The following TMEM117 variants were observed in gnomAD, a reference collection of about 807,000 sequenced individuals.
TMEM117 encodes the protein transmembrane protein 117.
TMEM117 carries 27 observed loss-of-function variants against 52.4 expected under a neutral mutation model. The ratio of observed to expected loss-of-function variants is 0.51; its 90% CI spans 0.38 to 0.71. The LOEUF is 0.71. Ranked by LOEUF, TMEM117 falls within the 30% of genes least tolerant of loss-of-function variation. The probability of loss-of-function intolerance (pLI) is 0.00; values close to 1 mark genes in which losing one functional copy is unlikely to be tolerated. For missense variants in TMEM117, 556 were observed against 630.5 expected (o/e 0.88, Z 1.26); for synonymous variants, 215 against 206.3 (o/e 1.04, Z -0.36).
chr12:44,225,744 C>T (rs774877315), intron 5 of TMEM117, among the ~76,000 whole-genome samples: 33 of 152,256 alleles, frequency 2.2e-4, no homozygotes, highest in Middle Eastern at 3.4e-3. Flanking sequence ...AATCCGTCCT[C>T]GCTGTAGCAG....
chr12:44,188,894 T>C (rs1399595772), intron 4 of TMEM117, among the ~76,000 whole-genome samples: 1 of 152,166 alleles, frequency 6.6e-6, no homozygotes, highest in Non-Finnish European at 1.5e-5. Flanking sequence ...GTAGCCCCAG[T>C]CTAGAAAAGT....
chr12:44,344,134 T>C (rs1448153659), intron 6 of TMEM117, among the ~76,000 whole-genome samples: 1 of 152,122 alleles, frequency 6.6e-6, no homozygotes, highest in Non-Finnish European at 1.5e-5. Flanking sequence ...ACAACTACTA[T>C]GCCAGGGAAA....
the TMEM117 span, chr12:43,804,206 A>G: frequency 2.1e-6 from 1 of 467,916 alleles, no homozygotes; most frequent in East Asian, 6.0e-5. Flanking sequence ...CAGAGATGGA[A>G]GCACTGACAT....
rs1039468927 is a variant in TMEM117, at chr12:44,268,717, T to C, written c.609-30863T>C. On this transcript the variant is annotated intron_variant, in intron 5 of 7. Coordinates refer to ENST00000266534, the MANE Select transcript of TMEM117 (RefSeq NM_032256.3). ...TAGTAGGTGTATGCAAATGTATCTT[T>C]GTGGTTTAAATTTTAATTTCCTTGA... Among the ~76,000 whole-genome samples the C allele has an allele frequency of 1.6e-4, 25 of 152,176 alleles. 1 individual carries two copies. Among genetic ancestry groups the C allele is most frequent in the African/African-American group, 5.8e-4 (24 of 41,446 alleles).
At chr12:43,884,592 G>A (rs539512613) in intron 2 of TMEM117, among the ~76,000 whole-genome samples, 137 of 152,260 alleles carry the variant, frequency 9.0e-4, no homozygotes, top group African/African-American at 3.0e-3. Flanking sequence ...ATTCATTTAA[G>A]TGGAATCTTC....
chr12:44,010,031 GTGGTGTACT>G (rs1160259560), intron 3 of TMEM117: 3 of 369,922 alleles, frequency 8.1e-6, no homozygotes, highest in African/African-American at 2.2e-5. Flanking sequence ...CTCTATTTAT[GTGGTGTACT>G]TCTTACTGGG....
intron 3 of TMEM117, among the ~76,000 whole-genome samples, chr12:44,105,983 A>G (rs918016982): frequency 6.6e-6 from 1 of 151,936 alleles, no homozygotes; most frequent in Admixed American, 6.6e-5. Flanking sequence ...CCCTGTGGAG[A>G]TTTTAACTCT....
intron 5 of TMEM117, among the ~76,000 whole-genome samples, chr12:44,285,092 G>C (rs1042741227): frequency 6.6e-6 from 1 of 152,168 alleles, no homozygotes; most frequent in African/African-American, 2.4e-5. Context: ...TATTTACGTA[G>C]ATTAGGATGC....
chr12:44,107,094 G>A (rs1420009302), intron 3 of TMEM117, among the ~76,000 whole-genome samples: 3 of 151,884 alleles, frequency 2.0e-5, no homozygotes, highest in Admixed American at 2.0e-4. Context: ...ACTTAGTAGA[G>A]GTCAGGCACA....
At chr12:43,800,060 C>T in the TMEM117 span, among the ~76,000 whole-genome samples, 2 of 152,048 alleles carry the variant, frequency 1.3e-5, no homozygotes, top group Non-Finnish European at 2.9e-5. Context: ...AATATATTCC[C>T]ATCTAGTCTT....
rs542178736 is a variant in TMEM117 at position 43,917,587 on chromosome 12, C to T, written c.278-26623C>T. ...GCCTCAGCCATCTGTCTCCCAAGCC[C>T]TCACCTTTACCCATTATGCATATCA... On this transcript the variant is annotated intron_variant, in intron 2 of 7. Coordinates refer to ENST00000266534, the MANE Select transcript of TMEM117 (RefSeq NM_032256.3). 4.5e-4 allele frequency among the ~76,000 whole-genome samples: 69 copies of T among 152,260 alleles called. No homozygotes were observed. The South Asian group carries it at 0.014, about 31-fold the overall frequency.
chr12:44,119,030 AT>A (rs1311856440), intron 3 of TMEM117, among the ~76,000 whole-genome samples: 1 of 151,940 alleles, frequency 6.6e-6, no homozygotes, highest in Non-Finnish European at 1.5e-5. Flanking sequence ...TTTACTGTTA[AT>A]TTTTTTTCAG....
chr12:43,798,935 C>T, the TMEM117 span, among the ~76,000 whole-genome samples: 1 of 151,972 alleles, frequency 6.6e-6, no homozygotes, highest in Non-Finnish European at 1.5e-5. Context: ...CTCTAATATG[C>T]TCAACAGGTA....
chr12:43,885,414 C>CTTTTTTT lies in TMEM117; in HGVS notation c.277+40490_277+40491insTTTTTTT, dbSNP rs63547361. Among the ~76,000 whole-genome samples, 22 of 136,880 alleles carry CTTTTTTT rather than the reference C, an allele frequency of 1.6e-4. 1 individual carries two copies. Among genetic ancestry groups the CTTTTTTT allele is most frequent in the Admixed American group, 3.0e-4 (4 of 13,514 alleles). The allele number at this position is 136,880 out of a possible 152,430, so 89.8% of individuals were successfully genotyped here. On this transcript the variant is annotated intron_variant, in intron 2 of 7. Coordinates refer to ENST00000266534, the MANE Select transcript of TMEM117 (RefSeq NM_032256.3). ...GCCTCCCCTATTTTCTTTTTCTTTT[C>CTTTTTTT]TTTTCTTTTTTTTTTTGATATCCAG...
intron 5 of TMEM117, among the ~76,000 whole-genome samples, chr12:44,246,875 G>A (rs1950137398): frequency 6.6e-6 from 1 of 152,160 alleles, no homozygotes; most frequent in African/African-American, 2.4e-5. Context: ...CTTCCAGTGA[G>A]CCGATGCTTG....
At chr12:44,118,348 G>C (rs570292455) in intron 3 of TMEM117, among the ~76,000 whole-genome samples, 28 of 152,138 alleles carry the variant, frequency 1.8e-4, no homozygotes, top group Non-Finnish European at 3.5e-4. Context: ...CGTTAACTGT[G>C]GTTTAGAAGA....
At chr12:43,930,569 C>T (rs558274986) in intron 2 of TMEM117, among the ~76,000 whole-genome samples, 1 of 152,264 alleles carries the variant, frequency 6.6e-6, no homozygotes, top group Admixed American at 6.5e-5. Context: ...TGATCTTGGC[C>T]TTTCAAGTCT....
At chr12:44,305,857 A>G (rs571894654) in intron 6 of TMEM117, among the ~76,000 whole-genome samples, 3 of 152,328 alleles carry the variant, frequency 2.0e-5, no homozygotes, top group African/African-American at 7.2e-5. Flanking sequence ...ACATGCACAC[A>G]TATGTTCATC....
chr12:43,808,753 T>C, the TMEM117 span, among the ~76,000 whole-genome samples: 453 of 136,096 alleles, frequency 3.3e-3, 1 homozygote, highest in African/African-American at 0.012. Context: ...GAGGCTGCAA[T>C]GAGCCATGAT....
Sources: allele counts gnomAD v4.1 joint callset (sites outside exome capture counted in the v4.1 genomes callset), GRCh38; gene constraint gnomAD v4.1.1; transcripts MANE v1.5; gene names NCBI Gene and HGNC (gene_info 2026-07-23, HGNC 2026-07-21).